Variants in GALNT11 observed in about 807,000 individuals in gnomAD.
GALNT11 encodes the protein UDP-GalNAc:polypeptide N-acetylgalactosaminyltransferase 11.
Under a neutral mutation model 72.7 loss-of-function variants are expected in GALNT11, and 47 were observed. The ratio of observed to expected loss-of-function variants is 0.65; its 90% CI spans 0.51 to 0.82. The LOEUF (loss-of-function observed/expected upper bound fraction) is 0.82, where lower values mean the gene tolerates loss of function less well. Among genes scored for constraint, GALNT11 ranks in the 40% least tolerant of loss-of-function variants. The pLI is 0.00. For missense variants in GALNT11, 677 were observed against 778.4 expected, an observed-to-expected ratio of 0.87 and a Z score of 1.55; for synonymous variants, 270 against 286.6, an observed-to-expected ratio of 0.94 and a Z score of 0.58.
intron 4 of GALNT11, chr7:152,104,708 G>A (rs2087336768): frequency 6.6e-6 from 1 of 152,102 alleles, no homozygotes; most frequent in Non-Finnish European, 1.5e-5. Flanking sequence ...ATATACAGGT[G>A]AATGACATAG....
intron 1 of GALNT11, among the ~76,000 whole-genome samples, chr7:152,051,932 A>G (rs548753165): frequency 2.0e-5 from 3 of 152,332 alleles, no homozygotes; most frequent in African/African-American, 7.2e-5. Flanking sequence ...AACTATTTTT[A>G]ACTGTATAAT....
At chr7:152,063,581 T>C (rs2084138649) in intron 1 of GALNT11, among the ~76,000 whole-genome samples, 1 of 152,252 alleles carries the variant, frequency 6.6e-6, no homozygotes, top group Non-Finnish European at 1.5e-5. Flanking sequence ...TCTTTCCTGC[T>C]TTCTTTTGTG....
chr7:152,116,447 C>G (rs1186613926), intron 8 of GALNT11, among the ~76,000 whole-genome samples: 1 of 152,084 alleles, frequency 6.6e-6, no homozygotes, highest in East Asian at 1.9e-4. Context: ...CATGTTTGGC[C>G]AGGCGGGTCT....
intron 1 of GALNT11, among the ~76,000 whole-genome samples, chr7:152,049,537 T>C (rs2083293174): frequency 1.3e-5 from 2 of 152,140 alleles, no homozygotes; most frequent in Admixed American, 6.5e-5. Context: ...AAACAAGCAC[T>C]GCTGTGGCCA....
chr7:152,034,656 G>A (rs1216985378), intron 1 of GALNT11, among the ~76,000 whole-genome samples: 6 of 152,088 alleles, frequency 3.9e-5, no homozygotes, highest in East Asian at 1.9e-4. Flanking sequence ...CCTGCTGATC[G>A]GAATAGTTGC....
intron 1 of GALNT11, among the ~76,000 whole-genome samples, chr7:152,062,447 T>C (rs2084073832): frequency 6.6e-6 from 1 of 152,208 alleles, no homozygotes; most frequent in African/African-American, 2.4e-5. Flanking sequence ...CCTAATTGAA[T>C]ACCCTTTATT....
At position 152,040,820 on chromosome 7, in the gene GALNT11, T is replaced by C. The variant is rs1438439566; in HGVS notation, c.-39+14936T>C. ...GAACCATAGGGCATCTGAAAAACTT[T>C]ACCTTTTGAGCCAGAATAAGAAGCT... On this transcript the variant is annotated intron_variant, in intron 1 of 11. Coordinates refer to ENST00000430044, the MANE Select transcript of GALNT11 (RefSeq NM_022087.4). Among the ~76,000 whole-genome samples the C allele has an allele frequency of 2.0e-5, 3 of 152,334 alleles. No individual in the cohort carries two copies. In the East Asian group the frequency reaches 5.8e-4, roughly 29 times the overall value.
chr7:152,121,806 G>A lies in GALNT11; in HGVS notation c.*129G>A, dbSNP rs1346623605. The A allele has an allele frequency of 3.3e-5, 39 of 1,189,078 alleles. No homozygotes were observed. Among genetic ancestry groups the A allele is most frequent in the African/African-American group, 1.2e-4 (8 of 64,956 alleles). The allele number at this position is 1,189,078 out of a possible 1,614,324, so 73.7% of individuals were successfully genotyped here. A position where few individuals can be genotyped will look rare whatever the true frequency, so the allele number is the denominator to read the frequency against. On this transcript the variant is annotated 3_prime_UTR_variant, in exon 12 of 12. Coordinates refer to ENST00000430044, the MANE Select transcript of GALNT11 (RefSeq NM_022087.4). ...GAAGATGACAGTTCCCTGTCCTCCC[G>A]GAGATGCCTGGGTGTGTTAGCAGAG...
At chr7:152,089,299 T>C (rs1400819091) in intron 1 of GALNT11, among the ~76,000 whole-genome samples, 7 of 152,074 alleles carry the variant, frequency 4.6e-5, no homozygotes. Flanking sequence ...CAATCTTAGG[T>C]TTGTTATATG....
At chr7:152,099,277 C>A (rs756798230) in intron 2 of GALNT11, among the ~76,000 whole-genome samples, 6 of 152,016 alleles carry the variant, frequency 3.9e-5, no homozygotes, top group Admixed American at 1.3e-4. Context: ...CCCTTTACAC[C>A]TGGATATTCA....
In GALNT11 at chr7:152,103,150, C is replaced by G. The variant is rs374823746; in HGVS notation, c.458C>G (p.Ala153Gly). Residue 153 changes from alanine (A) to glycine (G), a missense_variant, in exon 4 of 12, where the codon GCT (alanine) becomes GGT (glycine). Ala to Gly is a moderately conservative substitution (Grantham distance 60). Transcript: ENST00000430044. ...EKFYPPDLPA[A>G]SVVICFYNEA... ...TTCTACCCACCTGACCTGCCAGCTG[C>G]TAGTGTTGTTATCTGTTTCTATAAT... The G allele has an allele frequency of 9.3e-6, 15 of 1,610,974 alleles. No individual in the cohort carries two copies. The highest frequency in any genetic ancestry group is 1.3e-5 in the African/African-American group (1 of 74,874).
At chr7:152,081,962 T>C (rs575995007) in intron 1 of GALNT11, among the ~76,000 whole-genome samples, 1 of 152,370 alleles carries the variant, frequency 6.6e-6, no homozygotes, top group Non-Finnish European at 1.5e-5. Flanking sequence ...ATTGTGTGGA[T>C]AGTTCATAGT....
intron 1 of GALNT11, chr7:152,075,200 G>C (rs2129013991): frequency 6.6e-6 from 1 of 152,398 alleles, no homozygotes; most frequent in South Asian, 2.1e-4. Flanking sequence ...TCTCCTCTGT[G>C]TCTTTCCAGG....
At chr7:152,075,753 G>A (rs2084920967) in intron 1 of GALNT11, among the ~76,000 whole-genome samples, 1 of 150,282 alleles carries the variant, frequency 6.7e-6, no homozygotes, top group African/African-American at 2.5e-5. Flanking sequence ...CTGAGATTGC[G>A]CTGTTGCACT....
At chr7:152,049,072 G>A (rs2083274598) in intron 1 of GALNT11, among the ~76,000 whole-genome samples, 1 of 150,438 alleles carries the variant, frequency 6.6e-6, no homozygotes, top group Non-Finnish European at 1.5e-5. Context: ...CAGCTATCTT[G>A]AATTATTTTT....
At chr7:152,066,886 C>T (rs113592884) in intron 1 of GALNT11, among the ~76,000 whole-genome samples, 106 of 152,248 alleles carry the variant, frequency 7.0e-4, no homozygotes, top group African/African-American at 2.2e-3. Flanking sequence ...TAACAAATAT[C>T]ATAGTAATAA....
intron 1 of GALNT11, among the ~76,000 whole-genome samples, chr7:152,068,613 C>G (rs192244656): frequency 1.3e-3 from 199 of 152,218 alleles, no homozygotes; most frequent in African/African-American, 4.5e-3. Flanking sequence ...AGTATGATGA[C>G]TGGTTCTTCA....
At chr7:152,075,837 G>A (rs1240474112) in intron 1 of GALNT11, among the ~76,000 whole-genome samples, 7 of 150,926 alleles carry the variant, frequency 4.6e-5, no homozygotes, top group Non-Finnish European at 1.0e-4. Flanking sequence ...CGAGGCGGGC[G>A]GATCACGAGG....
At chr7:152,092,548 TG>T (rs534269788) in intron 1 of GALNT11, among the ~76,000 whole-genome samples, 103 of 152,338 alleles carry the variant, frequency 6.8e-4, no homozygotes, top group African/African-American at 2.4e-3. Context: ...ACTGTTGTTT[TG>T]TTTTTTTACT....
Sources: allele counts gnomAD v4.1 joint callset (sites outside exome capture counted in the v4.1 genomes callset), GRCh38; gene constraint gnomAD v4.1.1; transcripts MANE v1.5; gene names NCBI Gene and HGNC (gene_info 2026-07-23, HGNC 2026-07-21).